ZNF385B: variants seen among roughly 807,000 people sequenced by gnomAD.
ZNF385B encodes zinc finger protein 533.
ZNF385B carries 23 observed loss-of-function variants against 39.2 expected under a neutral mutation model. That is an observed-to-expected ratio of 0.59 (90% CI 0.42 to 0.83). The LOEUF (loss-of-function observed/expected upper bound fraction) is 0.83. ZNF385B is among the 40% of genes least tolerant of loss of function. The probability of loss-of-function intolerance (pLI) is 0.00; values close to 1 mark genes in which losing one functional copy is unlikely to be tolerated. For synonymous variants in ZNF385B, 205 were observed against 222.6 expected, an observed-to-expected ratio of 0.92 and a Z score of 0.70; for missense variants, 552 against 598.9, an observed-to-expected ratio of 0.92 and a Z score of 0.82.
chr2:179,498,998 T>C (rs967561555), intron 5 of ZNF385B, among the ~76,000 whole-genome samples: 1 of 151,880 alleles, frequency 6.6e-6, no homozygotes, highest in African/African-American at 2.4e-5. Context: ...TTACAACTGA[T>C]TCTGCAGAAA....
intron 1 of ZNF385B, among the ~76,000 whole-genome samples, chr2:179,824,021 C>A (rs1269682802): frequency 1.3e-5 from 2 of 152,116 alleles, no homozygotes; most frequent in African/African-American, 2.4e-5. Context: ...CCAAGACTAT[C>A]TTCATACCTT....
chr2:179,710,760 C>T (rs1699941151), intron 3 of ZNF385B, among the ~76,000 whole-genome samples: 1 of 152,196 alleles, frequency 6.6e-6, no homozygotes, highest in South Asian at 2.1e-4. Context: ...CAAACCTCTT[C>T]ACCGACTGAG....
intron 3 of ZNF385B, among the ~76,000 whole-genome samples, chr2:179,743,991 C>A (rs1702229277): frequency 6.6e-6 from 1 of 152,086 alleles, no homozygotes; most frequent in African/African-American, 2.4e-5. Flanking sequence ...GCCTTTCCCT[C>A]TCTCCAACAG....
chr2:179,579,184 T>C (rs2106026147), intron 3 of ZNF385B, among the ~76,000 whole-genome samples: 1 of 152,242 alleles, frequency 6.6e-6, no homozygotes, highest in African/African-American at 2.4e-5. Flanking sequence ...GATTAAATCC[T>C]GGCTAATGTG....
chr2:179,537,332 TAAAAAAGAAA>T (rs2059639222), intron 4 of ZNF385B, among the ~76,000 whole-genome samples: 1 of 137,100 alleles, frequency 7.3e-6, no homozygotes, highest in African/African-American at 2.9e-5. Context: ...AAAAAAAAAA[TAAAAAAGAAA>T]AGAAAAGGAA....
intron 6 of ZNF385B, among the ~76,000 whole-genome samples, chr2:179,466,391 G>A (rs2052018268): frequency 6.6e-6 from 1 of 151,650 alleles, no homozygotes; most frequent in African/African-American, 2.4e-5. Context: ...TGAAGCACAT[G>A]TGAAAAAAAA....
intron 3 of ZNF385B, among the ~76,000 whole-genome samples, chr2:179,700,046 C>T (rs1321497694): frequency 2.1e-5 from 2 of 97,450 alleles, no homozygotes; most frequent in Non-Finnish European, 4.4e-5. Flanking sequence ...TCAAAACATA[C>T]ACAAACAGAA....
At chr2:179,678,826 C>T (rs1484789267) in intron 3 of ZNF385B, among the ~76,000 whole-genome samples, 1 of 152,170 alleles carries the variant, frequency 6.6e-6, no homozygotes, top group Non-Finnish European at 1.5e-5. Context: ...TTTGGGAAGT[C>T]ATCCAACCTC....
intron 3 of ZNF385B, among the ~76,000 whole-genome samples, chr2:179,608,868 G>A (rs959929758): frequency 6.7e-6 from 1 of 150,290 alleles, no homozygotes; most frequent in Non-Finnish European, 1.5e-5. Context: ...GTGTGTGTGT[G>A]TGTGTGTGTG....
intron 3 of ZNF385B, among the ~76,000 whole-genome samples, chr2:179,677,796 G>A (rs4893880): frequency 3.3e-5 from 5 of 151,886 alleles, no homozygotes; most frequent in African/African-American, 7.3e-5. Context: ...TTTTTTCCCC[G>A]TCCACTTCAC....
At chr2:179,758,252 A>G (rs1265941526) in intron 3 of ZNF385B, among the ~76,000 whole-genome samples, 3 of 152,170 alleles carry the variant, frequency 2.0e-5, no homozygotes, top group Admixed American at 2.0e-4. Context: ...TGATTTTTAA[A>G]TAATAGAAAT....
chr2:179,749,954 G>A (rs2106466716), intron 3 of ZNF385B, among the ~76,000 whole-genome samples: 1 of 152,050 alleles, frequency 6.6e-6, no homozygotes, highest in South Asian at 2.1e-4. Context: ...CACTAAAAAA[G>A]GGTCAACCAC....
chr2:179,715,607 T>G (rs1700283704), intron 3 of ZNF385B, among the ~76,000 whole-genome samples: 1 of 152,146 alleles, frequency 6.6e-6, no homozygotes, highest in Non-Finnish European at 1.5e-5. Flanking sequence ...TGTAATAAAA[T>G]CTAGGACATA....
At chr2:179,578,680 G>A (rs1381850693) in intron 3 of ZNF385B, among the ~76,000 whole-genome samples, 2 of 151,998 alleles carry the variant, frequency 1.3e-5, no homozygotes, top group Non-Finnish European at 2.9e-5. Flanking sequence ...ATACCTAGTG[G>A]GAAACAGTTC....
intron 4 of ZNF385B, 109 bp downstream of exon 4, chr2:179,544,718 A>G: frequency 1.5e-6 from 2 of 1,364,622 alleles, no homozygotes; most frequent in African/African-American, 2.8e-5. Flanking sequence ...TAACCAATAT[A>G]TGGTCTAAAA....
At chr2:179,623,010 G>A (rs1690345343) in intron 3 of ZNF385B, among the ~76,000 whole-genome samples, 1 of 152,124 alleles carries the variant, frequency 6.6e-6, no homozygotes, top group Non-Finnish European at 1.5e-5. Flanking sequence ...TAAAATATAA[G>A]CACCAACAAA....
chr2:179,548,916 T>G lies in ZNF385B; in HGVS notation c.299-3947A>C, dbSNP rs1415770916. 2.7e-5 allele frequency among the ~76,000 whole-genome samples: 4 copies of G among 149,486 alleles called. 1 individual carries two copies. The highest frequency in any genetic ancestry group is 7.6e-5 in the African/African-American group (3 of 39,670). ...TCACCACAATCAATTTTAGAACATT[T>G]TCATGACATCTAAGGGAAACTTATC... On this transcript the variant is annotated intron_variant, in intron 3 of 9. Coordinates refer to ENST00000410066, the MANE Select transcript of ZNF385B (RefSeq NM_152520.6).
chr2:179,803,919 A>G (rs1033173521), intron 1 of ZNF385B, among the ~76,000 whole-genome samples: 1 of 152,304 alleles, frequency 6.6e-6, no homozygotes, highest in East Asian at 1.9e-4. Context: ...GGAAATAAGA[A>G]AGACAGGCAT....
chr2:179,661,955 A>G (rs531423050), intron 3 of ZNF385B, among the ~76,000 whole-genome samples: 1 of 152,366 alleles, frequency 6.6e-6, no homozygotes, highest in South Asian at 2.1e-4. Context: ...TTACACTTAA[A>G]AAGAAGTACT....
Sources: gnomAD v4.1 joint callset for allele counts (sites outside exome capture counted in the v4.1 genomes callset) on GRCh38, gnomAD v4.1.1 for gene constraint, MANE v1.5 for transcripts, NCBI Gene and HGNC (gene_info 2026-07-23, HGNC 2026-07-21) for gene names.